Variants in PCDHGA11 observed in about 807,000 individuals in gnomAD.
The protein encoded by PCDHGA11 is protocadherin gamma-A11.
In PCDHGA11, 39 loss-of-function variants were observed where a neutral mutation model predicts 60.4. The ratio of observed to expected loss-of-function variants is 0.65; its 90% CI spans 0.50 to 0.84. PCDHGA11 has a LOEUF of 0.84. PCDHGA11 is among the 40% of genes least tolerant of loss of function. The pLI is 0.00. For missense variants in PCDHGA11, 1,165 were observed against 1,197.7 expected (o/e 0.97, Z 0.40); for synonymous variants, 533 against 510.3 (o/e 1.04, Z -0.60).
intron 2 of PCDHGA11, among the ~76,000 whole-genome samples, chr5:141,502,654 C>G (rs1424933188): frequency 6.6e-6 from 1 of 152,112 alleles, no homozygotes; most frequent in African/African-American, 2.4e-5. Context: ...TAGGCAGCAA[C>G]CCTTCATGCA....
chr5:141,503,910 G>A (rs1311674998), intron 2 of PCDHGA11, among the ~76,000 whole-genome samples: 1 of 152,062 alleles, frequency 6.6e-6, no homozygotes, highest in Admixed American at 6.6e-5. Flanking sequence ...CACACACAAC[G>A]CAACACACAC....
chr5:141,464,578 A>G (rs2099086989), intron 1 of PCDHGA11, among the ~76,000 whole-genome samples: 1 of 152,164 alleles, frequency 6.6e-6, no homozygotes, highest in Non-Finnish European at 1.5e-5. Flanking sequence ...ATAGATGAGA[A>G]TGTCCATTGT....
intron 3 of PCDHGA11, among the ~76,000 whole-genome samples, chr5:141,508,646 G>A (rs1434098773): frequency 2.6e-5 from 4 of 152,014 alleles, no homozygotes; most frequent in African/African-American, 9.7e-5. Flanking sequence ...ACTCCGTCAG[G>A]CCCTTCCTGT....
At position 141,462,908 on chromosome 5, in the gene PCDHGA11, T is replaced by G. The variant is rs186061013; in HGVS notation, c.2434-31899T>G. ...AGTTTGTTTTGGAAGGCTATTATGT[T>G]TTTTGCAGATCAGGTTGATCTTTTC... On this transcript the variant is annotated intron_variant, in intron 1 of 3. Coordinates refer to ENST00000398587, the MANE Select transcript of PCDHGA11 (RefSeq NM_018914.3). Among the ~76,000 whole-genome samples the G allele has an allele frequency of 1.4e-4, 21 of 152,362 alleles. No individual in the cohort carries two copies. The East Asian group carries it at 3.5e-3, about 25-fold the overall frequency.
chr5:141,491,826 C>G lies in PCDHGA11; in HGVS notation c.2434-2981C>G. ...GGCTTGGTCGCTGGCTGCGCTCCAC[C>G]CGATTCTCGGGATCATTGGACCGTT... On this transcript the variant is annotated intron_variant, in intron 1 of 3. Coordinates refer to ENST00000398587, the MANE Select transcript of PCDHGA11 (RefSeq NM_018914.3). The surrounding 1 kb of genome is among the most constrained non-coding windows in gnomAD (Gnocchi z 6.9). 1 of 1,477,526 alleles carries G rather than the reference C, an allele frequency of 6.8e-7. No individual in the cohort carries two copies. The highest frequency in any genetic ancestry group is 9.0e-7 in the Non-Finnish European group (1 of 1,114,486). 91.5% of individuals were successfully genotyped at this position (1,477,526 alleles called of 1,614,324 possible). A position where few individuals can be genotyped will look rare whatever the true frequency, so the allele number is the denominator to read the frequency against.
chr5:141,434,795 T>C (rs1027924206), intron 1 of PCDHGA11, among the ~76,000 whole-genome samples: 2 of 152,004 alleles, frequency 1.3e-5, no homozygotes, highest in African/African-American at 2.4e-5. Context: ...TTTTTTTTTC[T>C]GAGCTTGGAG....
rs1449032006 is a variant in PCDHGA11 at position 141,438,617 on chromosome 5, TATATATATATATATATATAC to T, written c.2433+14959_2433+14978del. 2.9e-3 allele frequency among the ~76,000 whole-genome samples: 107 copies of T among 37,156 alleles called. 1 individual carries two copies. Among genetic ancestry groups the T allele is most frequent in the South Asian group, 0.015 (15 of 996 alleles). 24.4% of individuals were successfully genotyped at this position (37,156 alleles called of 152,430 possible). On this transcript the variant is annotated intron_variant, in intron 1 of 3. Transcript: ENST00000398587. Reference sequence around the variant, plus strand: ...ATATATATATATATATATATATATATATATATATATATATATATACACACACACACACACATATATGTATA... The same window carrying T: ...ATATATATATATATATATATATATATACACACACACACACATATATGTATA...
At chr5:141,499,330 C>T (rs1040336371) in intron 2 of PCDHGA11, among the ~76,000 whole-genome samples, 1 of 152,170 alleles carries the variant, frequency 6.6e-6, no homozygotes, top group African/African-American at 2.4e-5. Flanking sequence ...CCTGCTCTCT[C>T]TCAGTTTGGG....
intron 3 of PCDHGA11, 79 bp downstream of exon 3, chr5:141,505,560 G>A: frequency 6.2e-7 from 1 of 1,604,768 alleles, no homozygotes; most frequent in South Asian, 1.1e-5. Context: ...CATGCCCACG[G>A]ACTGGATGTC....
chr5:141,468,983 AATT>A (rs958294955), intron 1 of PCDHGA11, among the ~76,000 whole-genome samples: 5 of 148,376 alleles, frequency 3.4e-5, no homozygotes, highest in Admixed American at 6.8e-5. Context: ...TGACTTCCAA[AATT>A]ATTGTTTTTG....
chr5:141,477,814 G>C lies in PCDHGA11; in HGVS notation c.2434-16993G>C, dbSNP rs780195618. The C allele has an allele frequency of 1.2e-6, 2 of 1,614,110 alleles. No homozygotes were observed. The highest frequency in any genetic ancestry group is 1.1e-5 in the South Asian group (1 of 91,074). On this transcript the variant is annotated intron_variant, in intron 1 of 3. Coordinates refer to ENST00000398587, the MANE Select transcript of PCDHGA11 (RefSeq NM_018914.3). The surrounding 1 kb of genome is among the most constrained non-coding windows in gnomAD (Gnocchi z 4.9). ...CTGATCGCAATGACAATGCCCCCCA[G>C]GTCCTATATCCTCGGCCAGGTGGGA... is the stretch of plus-strand genomic sequence containing the variant.
intron 1 of PCDHGA11, chr5:141,492,050 C>T (rs2099736541): frequency 4.0e-6 from 2 of 500,984 alleles, no homozygotes; most frequent in South Asian, 7.5e-5. Context: ...AGATCCACCC[C>T]TGCAGCCAGC....
chr5:141,473,756 A>G (rs2099328139), intron 1 of PCDHGA11, among the ~76,000 whole-genome samples: 1 of 152,228 alleles, frequency 6.6e-6, no homozygotes, highest in African/African-American at 2.4e-5. Context: ...CTTGGATACT[A>G]TGCAAAGGAT....
rs1332743231 is a variant in PCDHGA11 at position 141,432,967 on chromosome 5, G to A, written c.2433+9307G>A. 4 of 1,614,192 alleles carry A rather than the reference G, an allele frequency of 2.5e-6. No homozygotes were observed. In the East Asian group the frequency reaches 6.7e-5, roughly 27 times the overall value. On this transcript the variant is annotated intron_variant, in intron 1 of 3. Coordinates refer to ENST00000398587, the MANE Select transcript of PCDHGA11 (RefSeq NM_018914.3). The surrounding 1 kb of genome is among the most constrained non-coding windows in gnomAD (Gnocchi z 6.0). The stretch of plus-strand genomic sequence containing the variant: ...CAGGAGGCGGCTTGACAGGAGCGCC[G>A]GCGTCGCACTTTGTGGGCGTGGACG...
chr5:141,507,554 A>C (rs1384910590), intron 3 of PCDHGA11, among the ~76,000 whole-genome samples: 2 of 152,258 alleles, frequency 1.3e-5, no homozygotes, highest in African/African-American at 4.8e-5. Context: ...TGAAAGTGGC[A>C]GGCGGCTGGG....
At chr5:141,449,588 CA>C (rs768743917) in intron 1 of PCDHGA11, among the ~76,000 whole-genome samples, 1,277 of 57,494 alleles carry the variant, frequency 0.022, 7 homozygotes, top group Middle Eastern at 0.041. Flanking sequence ...GACTCTGTCT[CA>C]AAAAAAAAAA....
In PCDHGA11 at chr5:141,489,255, A is replaced by G. The variant is rs909780010; in HGVS notation, c.2434-5552A>G. 2 of 1,548,804 alleles carry G rather than the reference A, an allele frequency of 1.3e-6. No individual in the cohort carries two copies. Among genetic ancestry groups the G allele is most frequent in the Non-Finnish European group, 1.7e-6 (2 of 1,147,848 alleles). On this transcript the variant is annotated intron_variant, in intron 1 of 3. Coordinates refer to ENST00000398587, the MANE Select transcript of PCDHGA11 (RefSeq NM_018914.3). The surrounding 1 kb of genome is among the most constrained non-coding windows in gnomAD (Gnocchi z 4.5). ...ACTTCTGGGTCATGGGGCCCAAGAC[A>G]CTCCCACAGCTCGCTGGGAAATGGC...
rs761149166 is a variant in PCDHGA11 at position 141,510,977 on chromosome 5, G to C, written c.2612G>C (p.Gly871Ala). Residue 871 changes from glycine to alanine, a missense_variant, in exon 4 of 4, where the codon GGG (glycine) becomes GCG (alanine). Coordinates refer to ENST00000398587, the MANE Select transcript of PCDHGA11 (RefSeq NM_018914.3). Reference protein sequence around the residue: ...EAADGSSTLGGGAGTMGLSAR... With the variant: ...EAADGSSTLGAGAGTMGLSAR... ...GCTGATGGGAGCTCCACCCTGGGAG[G>C]GGGTGCCGGCACCATGGGATTGAGC... 9 of 1,614,052 alleles carry C rather than the reference G, an allele frequency of 5.6e-6. No individual in the cohort carries two copies. The Admixed American group carries it at 1.3e-4, about 24-fold the overall frequency.
rs200464357 is a variant in PCDHGA11 at position 141,489,983 on chromosome 5, G to A, written c.2434-4824G>A. 4.5e-5 allele frequency: 73 copies of A among 1,614,172 alleles called. No homozygotes were observed. Among genetic ancestry groups the A allele is most frequent in the Middle Eastern group, 3.3e-4 (2 of 6,062 alleles). ...CCAACCTTCCAATCCTCAGTTCTAC[G>A]TGTGGGAATCCCAGAGAATGCACCC... On this transcript the variant is annotated intron_variant, in intron 1 of 3. Coordinates refer to ENST00000398587, the MANE Select transcript of PCDHGA11 (RefSeq NM_018914.3). This position sits in a 1 kb window ranked among gnomAD's most constrained non-coding sequence, Gnocchi z 4.5.
Sources: gnomAD v4.1 joint callset for allele counts (sites outside exome capture counted in the v4.1 genomes callset) on GRCh38, gnomAD v4.1.1 for gene constraint, Gnocchi (gnomAD v3.1) non-coding constraint, MANE v1.5 for transcripts, NCBI Gene and HGNC (gene_info 2026-07-23, HGNC 2026-07-21) for gene names.